MOSPD1: variants seen among roughly 807,000 people sequenced by gnomAD.
The protein encoded by MOSPD1 is motile sperm domain containing 1, also known as motile sperm domain-containing protein 1.
A neutral mutation model predicts 16.7 loss-of-function variants in MOSPD1; 5 were observed. The ratio of observed to expected loss-of-function variants is 0.30; its 90% CI spans 0.16 to 0.63. The LOEUF is 0.63. MOSPD1 is among the 30% of genes least tolerant of loss of function. The pLI, the probability that MOSPD1 is intolerant of heterozygous loss-of-function variation, is 0.82. For synonymous variants in MOSPD1, 67 were observed against 59.2 expected (o/e 1.13, Z -0.61); for missense variants, 104 against 153.6 (o/e 0.68, Z 1.71).
In MOSPD1 at chrX:134,915,190, C is replaced by T. The variant is rs1235598456; in HGVS notation, c.-110G>A. 1.8e-5 allele frequency: 2 copies of T among 112,502 alleles called. No individual in the cohort carries two copies. The highest frequency in any genetic ancestry group is 3.8e-5 in the Non-Finnish European group (2 of 53,255). 9.3% of individuals were successfully genotyped at this position (112,502 alleles called of 1,213,427 possible). On this transcript the variant is annotated 5_prime_UTR_variant, in exon 1 of 6. Coordinates refer to ENST00000370783, the MANE Select transcript of MOSPD1 (RefSeq NM_019556.3). The stretch of plus-strand genomic sequence containing the variant: ...CGGTGGGGGACTCTCACCTCGGCAA[C>T]ACCGGCTTCCTCGGAAAGCAGCTGC...
intron 4 of MOSPD1, among the ~76,000 whole-genome samples, chrX:134,893,866 GTAT>G (rs1206464355): frequency 1.8e-5 from 2 of 111,053 alleles, no homozygotes; most frequent in East Asian, 2.8e-4. Flanking sequence ...TTTCAATTTT[GTAT>G]TATTATAAAC....
intron 3 of MOSPD1, among the ~76,000 whole-genome samples, chrX:134,897,546 TA>T (rs1221758366): frequency 0.11 from 6,476 of 57,872 alleles, 1,024 homozygotes; most frequent in African/African-American, 0.41. Flanking sequence ...TCTGTCTTAT[TA>T]AAAAAAAAAA....
chrX:134,890,757 G>A (rs1603254638), intron 5 of MOSPD1, among the ~76,000 whole-genome samples: 2 of 111,059 alleles, frequency 1.8e-5, no homozygotes, highest in Non-Finnish European at 3.8e-5. Context: ...GCAGCGAGCC[G>A]AGATGGCAAC....
chrX:134,897,093 G>C (rs1260865297), intron 3 of MOSPD1, 59 bp from the exon 4 acceptor site: 2 of 787,569 alleles, frequency 2.5e-6, no homozygotes, highest in Admixed American at 2.8e-5. Flanking sequence ...CCAAACAGAA[G>C]GCAGTGAGAT....
At chrX:134,912,046 A>G (rs931699763) in intron 1 of MOSPD1, among the ~76,000 whole-genome samples, 2 of 111,944 alleles carry the variant, frequency 1.8e-5, no homozygotes, top group African/African-American at 6.5e-5. Context: ...GCACGGTGCA[A>G]TTCCTATTTC....
At chrX:134,899,197 T>G (rs1467421860) in intron 2 of MOSPD1, 32 bp from the exon 3 acceptor site, 5 of 696,894 alleles carry the variant, frequency 7.2e-6, no homozygotes, top group African/African-American at 2.4e-5. Context: ...GCCATTAGTG[T>G]TTTTTTTTTT....
At chrX:134,897,082 GC>G (rs1794422378) in intron 3 of MOSPD1, 48 bp from the exon 4 acceptor site, 1 of 911,626 alleles carries the variant, frequency 1.1e-6, no homozygotes, top group Non-Finnish European at 1.6e-6. Context: ...CTGGGGGCCG[GC>G]CAAACAGAAG....
chrX:134,904,858 T>C (rs1254920422), intron 1 of MOSPD1, among the ~76,000 whole-genome samples: 4 of 103,240 alleles, frequency 3.9e-5, no homozygotes, highest in Non-Finnish European at 7.9e-5. Flanking sequence ...TGAGACTCCA[T>C]CTGAAAAAAA....
At chrX:134,914,903 G>A (rs1009333793) in intron 1 of MOSPD1, among the ~76,000 whole-genome samples, 4 of 112,527 alleles carry the variant, frequency 3.6e-5, no homozygotes, top group Admixed American at 1.9e-4. Context: ...GCCTTTGCCC[G>A]GGCAGGAGCG....
Position 134,896,996 on chromosome X carries a change from C to G in MOSPD1, c.269G>C (p.Gly90Ala). The G allele has an allele frequency of 8.3e-7, 1 of 1,209,101 alleles. No individual in the cohort carries two copies. Among genetic ancestry groups the G allele is most frequent in the Non-Finnish European group, 1.1e-6 (1 of 893,823 alleles). Residue 90 changes from glycine to alanine, a missense_variant, in exon 4 of 6, where the codon GGT becomes GCT. Gly to Ala is a moderately conservative substitution (Grantham distance 60, BLOSUM62 0). Transcript: ENST00000370783. The stretch of plus-strand genomic sequence containing the variant: ...TTGGAGACGGAATTTGTCTATTACA[C>G]CATAGTGACAGGATCGAACATCTCG... ...RHRDVRSCHY[G>A]VIDKFRLQVS... is the part of the protein sequence containing the mutation.
At chrX:134,901,015 C>T (rs927290104) in intron 1 of MOSPD1, among the ~76,000 whole-genome samples, 1 of 111,969 alleles carries the variant, frequency 8.9e-6, no homozygotes, top group Non-Finnish European at 1.9e-5. Context: ...AGAAATAAAA[C>T]GAATGAATGA....
chrX:134,900,345 T>C (rs544416323), intron 1 of MOSPD1, among the ~76,000 whole-genome samples: 2 of 112,593 alleles, frequency 1.8e-5, no homozygotes, highest in South Asian at 7.3e-4. Context: ...CAATACTTTA[T>C]TTAGTGCCTT....
intron 1 of MOSPD1, among the ~76,000 whole-genome samples, chrX:134,906,369 A>G: frequency 9.5e-6 from 1 of 105,311 alleles, no homozygotes; most frequent in Non-Finnish European, 1.9e-5. Context: ...TAATTTTTGT[A>G]GAGACGGGGT....
At chrX:134,889,277 A>G in intron 5 of MOSPD1, 85 bp from the exon 6 acceptor site, 1 of 697,651 alleles carries the variant, frequency 1.4e-6, no homozygotes, top group Non-Finnish European at 2.1e-6. Context: ...GACCTCAATG[A>G]ACAAATACAA....
chrX:134,906,075 T>C (rs2148398592), intron 1 of MOSPD1, among the ~76,000 whole-genome samples: 1 of 110,995 alleles, frequency 9.0e-6, no homozygotes, highest in South Asian at 3.7e-4. Flanking sequence ...TTCCCATGAA[T>C]CACGAATAGG....
In MOSPD1 at chrX:134,905,087, C is replaced by T. The variant is rs1355940283; in HGVS notation, c.-101-5553G>A. ...ATAAAAAGGGAGATAAGGCCGGGCG[C>T]GGTGGCTCACGCCTGTAATCCCAGC... On this transcript the variant is annotated intron_variant, in intron 1 of 5. Coordinates refer to ENST00000370783, the MANE Select transcript of MOSPD1 (RefSeq NM_019556.3). Among the ~76,000 whole-genome samples, 4 of 103,745 alleles carry T rather than the reference C, an allele frequency of 3.9e-5. No individual in the cohort carries two copies. In the South Asian group the frequency reaches 1.3e-3, roughly 34 times the overall value. The allele number at this position is 103,745 out of a possible 115,157, so 90.1% of individuals were successfully genotyped here. A position where few individuals can be genotyped will look rare whatever the true frequency, so the allele number is the denominator to read the frequency against.
intron 4 of MOSPD1, among the ~76,000 whole-genome samples, chrX:134,893,013 T>C (rs1279086007): frequency 1.8e-5 from 2 of 112,131 alleles, no homozygotes; most frequent in East Asian, 5.6e-4. Flanking sequence ...TTTTCTGTCA[T>C]ATGGCTTTTC....
intron 2 of MOSPD1, 51 bp downstream of exon 2, chrX:134,899,229 A>C: frequency 3.4e-6 from 4 of 1,181,247 alleles, no homozygotes; most frequent in Non-Finnish European, 4.5e-6. Context: ...TACAAGTAAA[A>C]AATTAGTAGG....
At chrX:134,889,691 T>A (rs868282560) in intron 5 of MOSPD1, among the ~76,000 whole-genome samples, 1 of 107,508 alleles carries the variant, frequency 9.3e-6, no homozygotes, top group East Asian at 3.0e-4. Context: ...GAAAGTGTGA[T>A]AAAAAAAAAG....
Sources: gnomAD v4.1 joint callset for allele counts (sites outside exome capture counted in the v4.1 genomes callset) on GRCh38, gnomAD v4.1.1 for gene constraint, MANE v1.5 for transcripts, NCBI Gene and HGNC (gene_info 2026-07-23, HGNC 2026-07-21) for gene names.